The following CAMTA1 variants were observed in gnomAD, a reference collection of about 807,000 sequenced individuals.
CAMTA1 encodes the protein calmodulin binding transcription activator 1.
A neutral mutation model predicts 170.9 loss-of-function variants in CAMTA1; 27 were observed. The observed-to-expected ratio is 0.16, with a 90% CI of 0.12 to 0.22. The LOEUF (loss-of-function observed/expected upper bound fraction) is 0.22, where lower values mean the gene tolerates loss of function less well. Among genes scored for constraint, CAMTA1 ranks in the 10% least tolerant of loss-of-function variants. CAMTA1 has a pLI of 1.00. For synonymous variants in CAMTA1, 833 were observed against 891.5 expected (o/e 0.93, Z 1.17); for missense variants, 1,619 against 2,217.2 (o/e 0.73, Z 5.42).
At chr1:7,761,885 T>C (rs372345066) in intron 22 of CAMTA1, among the ~76,000 whole-genome samples, 1 of 151,894 alleles carries the variant, frequency 6.6e-6, no homozygotes, top group African/African-American at 2.4e-5. Flanking sequence ...AACAAGCAGC[T>C]CATGCCTGTA....
chr1:7,712,485 T>C (rs1185824706), intron 11 of CAMTA1, among the ~76,000 whole-genome samples: 1 of 152,102 alleles, frequency 6.6e-6, no homozygotes, highest in East Asian at 1.9e-4. Context: ...TGTGCCTGGC[T>C]AGTTTTTGGA....
At chr1:7,231,757 C>T (rs1285369966) in intron 4 of CAMTA1, among the ~76,000 whole-genome samples, 2 of 152,202 alleles carry the variant, frequency 1.3e-5, no homozygotes, top group African/African-American at 4.8e-5. Context: ...TGGGGCCAAG[C>T]GCAGCCTCCC....
intron 5 of CAMTA1, among the ~76,000 whole-genome samples, chr1:7,454,458 C>G (rs1188054445): frequency 1.3e-5 from 2 of 152,262 alleles, no homozygotes; most frequent in African/African-American, 2.4e-5. Context: ...CCCCTCCCTA[C>G]TAATGAGGAC....
chr1:7,051,467 CG>C (rs1706344278), intron 3 of CAMTA1, among the ~76,000 whole-genome samples: 2 of 152,314 alleles, frequency 1.3e-5, no homozygotes, highest in South Asian at 4.1e-4. Flanking sequence ...GCTGCACGGA[CG>C]GAGACCTCTG....
intron 16 of CAMTA1, among the ~76,000 whole-genome samples, chr1:7,739,905 G>A (rs12739396): frequency 0.09 from 13,646 of 151,772 alleles, 676 homozygotes; most frequent in Admixed American, 0.14. Flanking sequence ...TTCAAGATGA[G>A]ATTTCGGTGA....
At chr1:7,280,597 G>A (rs1278735271) in intron 5 of CAMTA1, among the ~76,000 whole-genome samples, 2 of 152,212 alleles carry the variant, frequency 1.3e-5, no homozygotes, top group African/African-American at 4.8e-5. Flanking sequence ...ATGTGGCACC[G>A]GTTTGCAGTC....
chr1:7,669,284 G>A (rs907742655), intron 9 of CAMTA1, among the ~76,000 whole-genome samples: 7 of 152,236 alleles, frequency 4.6e-5, no homozygotes, highest in Non-Finnish European at 8.8e-5. Context: ...AGCCCCTTCC[G>A]TGGAAGAAGT....
chr1:6,931,912 C>T (rs1684481773), intron 3 of CAMTA1, among the ~76,000 whole-genome samples: 1 of 152,232 alleles, frequency 6.6e-6, no homozygotes, highest in African/African-American at 2.4e-5. Context: ...AGGCAAATTA[C>T]TGTTCCATTT....
At position 6,944,582 on chromosome 1, in the gene CAMTA1, T is replaced by C. The variant is rs554235885; in HGVS notation, c.234+119372T>C. 2.0e-5 allele frequency among the ~76,000 whole-genome samples: 3 copies of C among 152,314 alleles called. No individual in the cohort carries two copies. In the South Asian group the frequency reaches 6.2e-4, roughly 32 times the overall value. Reference sequence around the variant, plus strand: ...GGACACCCTTCCCCAGGCGGTCCCATGCTGTCCTCCACCACCCTCCAGTGT... The same window carrying C: ...GGACACCCTTCCCCAGGCGGTCCCACGCTGTCCTCCACCACCCTCCAGTGT... On this transcript the variant is annotated intron_variant, in intron 3 of 22. Coordinates refer to ENST00000303635, the MANE Select transcript of CAMTA1 (RefSeq NM_015215.4).
At chr1:7,164,514 G>T (rs1255947629) in intron 4 of CAMTA1, among the ~76,000 whole-genome samples, 2 of 152,230 alleles carry the variant, frequency 1.3e-5, no homozygotes, top group Non-Finnish European at 2.9e-5. Flanking sequence ...TTCCAAAGCT[G>T]TGGCACCCCT....
At chr1:7,322,949 C>CCCTCT (rs1413377372) in intron 5 of CAMTA1, among the ~76,000 whole-genome samples, 5 of 140,564 alleles carry the variant, frequency 3.6e-5, no homozygotes, top group African/African-American at 1.3e-4. Flanking sequence ...TCTTTCCCTC[C>CCCTCT]CCTCCCCTCC....
rs145658526 is a variant in CAMTA1, at chr1:6,934,499, A to G, written c.234+109289A>G. Among the ~76,000 whole-genome samples the G allele has an allele frequency of 4.7e-4, 71 of 152,168 alleles. No homozygotes were observed. Among genetic ancestry groups the G allele is most frequent in the Middle Eastern group, 3.4e-3 (1 of 294 alleles). On this transcript the variant is annotated intron_variant, in intron 3 of 22. Coordinates refer to ENST00000303635, the MANE Select transcript of CAMTA1 (RefSeq NM_015215.4). This position sits in a 1 kb window ranked among gnomAD's most constrained non-coding sequence, Gnocchi z 4.5. ...GTGGGAGGAATTTCCTTTCCAGAAC[A>G]TTCCTTTGAGGAGGAGAGAAAAGGA...
At chr1:6,860,963 A>C (rs1320709077) in intron 3 of CAMTA1, among the ~76,000 whole-genome samples, 2 of 137,336 alleles carry the variant, frequency 1.5e-5, no homozygotes, top group East Asian at 2.1e-4. Context: ...AGTGTGACTT[A>C]CTTTTTTTTT....
intron 4 of CAMTA1, among the ~76,000 whole-genome samples, chr1:7,208,031 C>T (rs75133074): frequency 0.021 from 3,161 of 152,340 alleles, 65 homozygotes; most frequent in East Asian, 0.086. Context: ...TAACACATCC[C>T]TTCCGAGCTG....
chr1:7,643,776 G>A (rs942909278), intron 7 of CAMTA1, among the ~76,000 whole-genome samples: 2 of 152,240 alleles, frequency 1.3e-5, no homozygotes, highest in African/African-American at 4.8e-5. Context: ...TGGCTCGGGC[G>A]TGCGTGTGCA....
chr1:7,334,418 T>C (rs1459601893), intron 5 of CAMTA1, among the ~76,000 whole-genome samples: 1 of 152,262 alleles, frequency 6.6e-6, no homozygotes, highest in East Asian at 1.9e-4. Context: ...AGCCACCTCC[T>C]GGAGGCAGTC....
chr1:7,532,319 T>TA lies in CAMTA1; in HGVS notation c.510+64419dup, dbSNP rs2094501620. On this transcript the variant is annotated intron_variant, in intron 6 of 22. Transcript: ENST00000303635. This position sits in a 1 kb window ranked among gnomAD's most constrained non-coding sequence, Gnocchi z 4.2. ...CTTTCATTTCTTTCTATTTTTTTTTTAGAGACAGATTTCACTCTGTTGCCC... is the reference window on the plus strand; with the variant it reads ...CTTTCATTTCTTTCTATTTTTTTTTTAAGAGACAGATTTCACTCTGTTGCCC... Among the ~76,000 whole-genome samples, 1 of 152,130 alleles carries TA rather than the reference T, an allele frequency of 6.6e-6. No homozygotes were observed. The highest frequency in any genetic ancestry group is 2.1e-4 in the South Asian group (1 of 4,820).
intron 5 of CAMTA1, among the ~76,000 whole-genome samples, chr1:7,431,735 G>C (rs1229471238): frequency 6.6e-6 from 1 of 152,176 alleles, no homozygotes; most frequent in Admixed American, 6.5e-5. Context: ...CCCTTGCCAA[G>C]TGTCTCCCAC....
chr1:7,396,290 A>G (rs1207538091), intron 5 of CAMTA1, among the ~76,000 whole-genome samples: 2 of 152,160 alleles, frequency 1.3e-5, no homozygotes, highest in Non-Finnish European at 2.9e-5. Context: ...CTCTTCCACC[A>G]TGAGTGGAAA....
Sources: allele counts gnomAD v4.1 joint callset (sites outside exome capture counted in the v4.1 genomes callset), GRCh38; gene constraint gnomAD v4.1.1; non-coding constraint Gnocchi (gnomAD v3.1); transcripts MANE v1.5; gene names NCBI Gene and HGNC (gene_info 2026-07-23, HGNC 2026-07-21).